Variants in FCHO2 observed in about 807,000 individuals in gnomAD.
FCHO2 encodes the protein F-BAR domain only protein 2.
FCHO2 carries 43 observed loss-of-function variants against 114.1 expected under a neutral mutation model. The observed-to-expected ratio is 0.38, with a 90% CI of 0.30 to 0.49. The LOEUF is 0.49. Among genes scored for constraint, FCHO2 ranks in the 20% least tolerant of loss-of-function variants. FCHO2 has a pLI of 0.97. For missense variants in FCHO2, 807 were observed against 950.4 expected, an observed-to-expected ratio of 0.85 and a Z score of 1.98; for synonymous variants, 293 against 315.2, an observed-to-expected ratio of 0.93 and a Z score of 0.75.
intron 2 of FCHO2, among the ~76,000 whole-genome samples, chr5:72,988,927 G>A (rs958436275): frequency 6.6e-6 from 1 of 152,136 alleles, no homozygotes; most frequent in African/African-American, 2.4e-5. Flanking sequence ...TTTTTTCTGT[G>A]GCTGAGCGTG....
intron 10 of FCHO2, among the ~76,000 whole-genome samples, chr5:73,040,500 A>G (rs1256451968): frequency 6.6e-6 from 1 of 152,240 alleles, no homozygotes; most frequent in Non-Finnish European, 1.5e-5. Flanking sequence ...GAGTGCATAC[A>G]TGGAAATTCT....
At chr5:72,984,841 G>T (rs1441038949) in intron 2 of FCHO2, among the ~76,000 whole-genome samples, 2 of 151,984 alleles carry the variant, frequency 1.3e-5, no homozygotes, top group African/African-American at 4.8e-5. Context: ...TCACCAGGTT[G>T]CCCAGGCTGG....
intron 23 of FCHO2, among the ~76,000 whole-genome samples, chr5:73,082,241 G>A (rs1743118764): frequency 6.8e-6 from 1 of 147,358 alleles, no homozygotes; most frequent in African/African-American, 2.5e-5. Context: ...TAGGCAGAGT[G>A]CTTGACCTCT....
At chr5:73,008,605 G>A (rs1754839056) in intron 6 of FCHO2, among the ~76,000 whole-genome samples, 1 of 152,094 alleles carries the variant, frequency 6.6e-6, no homozygotes, top group Non-Finnish European at 1.5e-5. Context: ...GGCAGTTTTG[G>A]AGGAGCCAAG....
At chr5:73,076,240 T>C (rs992926309) in intron 20 of FCHO2, among the ~76,000 whole-genome samples, 1 of 152,098 alleles carries the variant, frequency 6.6e-6, no homozygotes, top group African/African-American at 2.4e-5. Context: ...AAGAAGGATT[T>C]TAGTGGCATA....
At chr5:73,078,674 A>C (rs1264489554) in intron 22 of FCHO2, among the ~76,000 whole-genome samples, 3 of 152,222 alleles carry the variant, frequency 2.0e-5, no homozygotes. Context: ...TGTGTTAGCC[A>C]GTACAGTCAG....
intron 8 of FCHO2, among the ~76,000 whole-genome samples, chr5:73,026,735 G>A (rs916280232): frequency 1.3e-5 from 2 of 151,960 alleles, no homozygotes; most frequent in African/African-American, 2.4e-5. Flanking sequence ...CTGTTGCCCA[G>A]TCTGGAGTGC....
intron 2 of FCHO2, among the ~76,000 whole-genome samples, chr5:72,979,892 C>A (rs893186876): frequency 6.6e-6 from 1 of 152,082 alleles, no homozygotes; most frequent in South Asian, 2.1e-4. Context: ...TTTCAAAAAA[C>A]CAGCTCCTGG....
chr5:73,089,876 CATAAG>C lies in FCHO2; in HGVS notation c.*1791_*1795del, dbSNP rs550123378. ...GAATTTACATTTGACTAAAGCAGCA[CATAAG>C]ATAATTTGCTAAAATGCTAATCTTT... On this transcript the variant is annotated 3_prime_UTR_variant, in exon 26 of 26. Transcript: ENST00000430046. The C allele has an allele frequency of 2.8e-4, 43 of 152,614 alleles. No individual in the cohort carries two copies. Among genetic ancestry groups the C allele is most frequent in the Admixed American group, 1.3e-3 (20 of 15,290 alleles). 9.5% of individuals were successfully genotyped at this position (152,614 alleles called of 1,614,324 possible).
intron 5 of FCHO2, among the ~76,000 whole-genome samples, chr5:73,004,161 A>G (rs989295070): frequency 9.9e-5 from 15 of 151,970 alleles, no homozygotes; most frequent in African/African-American, 3.1e-4. Flanking sequence ...ATTTATTTGC[A>G]TTAAAAAAAT....
chr5:72,990,383 A>G (rs1753755115), intron 3 of FCHO2, 95 bp from the exon 4 acceptor site: 2 of 923,286 alleles, frequency 2.2e-6, no homozygotes, highest in East Asian at 3.0e-5. Context: ...TAAAGTTGCC[A>G]TATATACCAC....
intron 12 of FCHO2, among the ~76,000 whole-genome samples, chr5:73,052,125 G>A (rs570842947): frequency 2.6e-5 from 4 of 151,978 alleles, no homozygotes; most frequent in Non-Finnish European, 4.4e-5. Context: ...AAGTTTCACC[G>A]TGTTAGCCAG....
chr5:73,082,060 G>A, intron 23 of FCHO2, 78 bp downstream of exon 23: 2 of 1,322,372 alleles, frequency 1.5e-6, no homozygotes, highest in Non-Finnish European at 2.0e-6. Flanking sequence ...AGTTCTGTAA[G>A]TTTTCTTAGA....
At chr5:73,041,459 G>C in intron 11 of FCHO2, 144 bp downstream of exon 11, 1 of 502,412 alleles carries the variant, frequency 2.0e-6, no homozygotes, top group Non-Finnish European at 3.5e-6. Flanking sequence ...TTATTTTACA[G>C]ATGCATTTTT....
At chr5:73,003,326 T>A (rs1471325543) in intron 5 of FCHO2, among the ~76,000 whole-genome samples, 1 of 152,124 alleles carries the variant, frequency 6.6e-6, no homozygotes, top group African/African-American at 2.4e-5. Flanking sequence ...TTTTTAAAAA[T>A]TTTTATTGTA....
At position 73,068,695 on chromosome 5, in the gene FCHO2, C is replaced by T. The variant is rs71636069; in HGVS notation, c.1495C>T (p.Pro499Ser). ...PPVTSNTSPP[P>S]AAPLARAESS... The stretch of plus-strand genomic sequence containing the variant: ...TGTAACTTCCAACACCAGCCCACCT[C>T]CTGCTGCACCATTAGCCCGGGCAGA... The change falls in exon 19 of 26, where the codon CCT becomes TCT. Residue 499 changes from proline (P) to serine (S), a missense_variant. Physicochemically the swap from Pro to Ser is moderately conservative, Grantham distance 74. Coordinates refer to ENST00000430046, the MANE Select transcript of FCHO2 (RefSeq NM_138782.3). 1 of 1,612,508 alleles carries T rather than the reference C, an allele frequency of 6.2e-7. No individual in the cohort carries two copies. Among genetic ancestry groups the T allele is most frequent in the South Asian group, 1.1e-5 (1 of 91,052 alleles).
At chr5:73,050,893 T>C (rs1392436566) in intron 11 of FCHO2, among the ~76,000 whole-genome samples, 1 of 152,200 alleles carries the variant, frequency 6.6e-6, no homozygotes, top group Non-Finnish European at 1.5e-5. Context: ...TAGATAGTTT[T>C]ACTAGTTCAC....
intron 19 of FCHO2, among the ~76,000 whole-genome samples, chr5:73,070,077 T>C (rs1742560089): frequency 6.6e-6 from 1 of 152,142 alleles, no homozygotes; most frequent in African/African-American, 2.4e-5. Flanking sequence ...ACCTGGGTAC[T>C]TCTTAGAAAT....
Position 73,078,278 on chromosome 5 carries a change from C to T in FCHO2, c.1946C>T (p.Ala649Val). The change falls in exon 22 of 26, where the codon GCT becomes GTT. Residue 649 changes from alanine (A) to valine (V), a missense_variant. Coordinates refer to ENST00000430046, the MANE Select transcript of FCHO2 (RefSeq NM_138782.3). ...AAGCTGTCAGAGCAAAATCCAGCTGCTTCTTATTATAATGTAGATGTATTA... is the reference window on the plus strand; with the variant it reads ...AAGCTGTCAGAGCAAAATCCAGCTGTTTCTTATTATAATGTAGATGTATTA... ...LKKLSEQNPAASYYNVDVLKY... is the reference protein window; with the variant it reads ...LKKLSEQNPAVSYYNVDVLKY... The T allele has an allele frequency of 6.2e-7, 1 of 1,602,052 alleles. No homozygotes were observed. Among genetic ancestry groups the T allele is most frequent in the Non-Finnish European group, 8.5e-7 (1 of 1,174,366 alleles).
Sources: gnomAD v4.1 joint callset for allele counts (sites outside exome capture counted in the v4.1 genomes callset) on GRCh38, gnomAD v4.1.1 for gene constraint, MANE v1.5 for transcripts, NCBI Gene and HGNC (gene_info 2026-07-23, HGNC 2026-07-21) for gene names.